The following SCFD2 variants were observed in gnomAD, a reference collection of about 807,000 sequenced individuals.
The protein encoded by SCFD2 is sec1 family domain-containing protein 2.
A neutral mutation model predicts 58.9 loss-of-function variants in SCFD2; 54 were observed. The ratio of observed to expected loss-of-function variants is 0.92; its 90% CI spans 0.74 to 1.15. The LOEUF (loss-of-function observed/expected upper bound fraction) is 1.15. Ranked by LOEUF, SCFD2 falls within the 50% of genes most tolerant of loss-of-function variation. The probability of loss-of-function intolerance (pLI) is 0.00; values close to 1 mark genes in which losing one functional copy is unlikely to be tolerated. For missense variants in SCFD2, 805 were observed against 836.6 expected, an observed-to-expected ratio of 0.96 and a Z score of 0.47; for synonymous variants, 321 against 335.9, an observed-to-expected ratio of 0.96 and a Z score of 0.49.
chr4:53,297,144 T>C (rs1039119956), intron 3 of SCFD2, among the ~76,000 whole-genome samples: 2 of 152,226 alleles, frequency 1.3e-5, no homozygotes, highest in African/African-American at 4.8e-5. Context: ...TCTGCAGATG[T>C]CTATTAGGTC....
At chr4:52,980,537 A>G (rs1393545742) in intron 5 of SCFD2, among the ~76,000 whole-genome samples, 4 of 152,164 alleles carry the variant, frequency 2.6e-5, no homozygotes, top group Non-Finnish European at 4.4e-5. Flanking sequence ...TATTATTAGT[A>G]TTTCAGGATA....
intron 3 of SCFD2, among the ~76,000 whole-genome samples, chr4:53,293,677 G>C (rs28874576): frequency 0.099 from 15,007 of 152,070 alleles, 1,119 homozygotes; most frequent in South Asian, 0.21. Flanking sequence ...CATAATCAAT[G>C]GCGAACAACT....
intron 4 of SCFD2, among the ~76,000 whole-genome samples, chr4:53,256,528 C>A (rs964982014): frequency 6.6e-6 from 1 of 152,106 alleles, no homozygotes; most frequent in Non-Finnish European, 1.5e-5. Context: ...CCAAGGCAGG[C>A]GGCTGGGAGG....
At chr4:53,201,877 A>T (rs376499711) in intron 4 of SCFD2, among the ~76,000 whole-genome samples, 3 of 151,516 alleles carry the variant, frequency 2.0e-5, no homozygotes, top group African/African-American at 7.3e-5. Flanking sequence ...GGGTTGTTTG[A>T]TTTTTTCTTG....
chr4:53,188,302 G>A (rs150543537), intron 4 of SCFD2, among the ~76,000 whole-genome samples: 378 of 152,230 alleles, frequency 2.5e-3, no homozygotes, highest in African/African-American at 8.8e-3. Flanking sequence ...ATTGCTTTCT[G>A]CAAATTTAAA....
intron 5 of SCFD2, among the ~76,000 whole-genome samples, chr4:53,048,813 C>T (rs1378449360): frequency 6.6e-6 from 1 of 152,168 alleles, no homozygotes; most frequent in Non-Finnish European, 1.5e-5. Flanking sequence ...CCCCTTCTTG[C>T]TTCCTCTAAA....
rs564808075 is a variant in SCFD2, at chr4:53,298,656, G to T, written c.1135+14980C>A. On this transcript the variant is annotated intron_variant, in intron 3 of 8. Coordinates refer to ENST00000401642, the MANE Select transcript of SCFD2 (RefSeq NM_152540.4). ...AAGGGCAGACTGCCTCCTCAAGTGG[G>T]TCCTTGACCCCCGAGTAGCCTAACT... 2.0e-5 allele frequency among the ~76,000 whole-genome samples: 3 copies of T among 152,294 alleles called. No individual in the cohort carries two copies. The South Asian group carries it at 6.2e-4, about 32-fold the overall frequency.
chr4:53,176,386 C>T (rs1215146064), intron 4 of SCFD2, among the ~76,000 whole-genome samples: 1 of 152,126 alleles, frequency 6.6e-6, no homozygotes, highest in East Asian at 1.9e-4. Context: ...CCTTAAGCCT[C>T]TTAGAGCTCT....
At chr4:53,329,963 G>C in intron 2 of SCFD2, among the ~76,000 whole-genome samples, 1 of 151,832 alleles carries the variant, frequency 6.6e-6, no homozygotes, top group Non-Finnish European at 1.5e-5. Flanking sequence ...AGCCTCAGGA[G>C]CTGATGCGAT....
At chr4:53,139,356 C>T (rs1355779951) in intron 5 of SCFD2, among the ~76,000 whole-genome samples, 1 of 151,318 alleles carries the variant, frequency 6.6e-6, no homozygotes, top group African/African-American at 2.4e-5. Context: ...TGAGGAGCCC[C>T]TCTGCCCAGC....
chr4:52,936,162 A>C (rs935393143), intron 5 of SCFD2, among the ~76,000 whole-genome samples: 6 of 152,180 alleles, frequency 3.9e-5, no homozygotes, highest in African/African-American at 1.4e-4. Flanking sequence ...ATGGCTGTCT[A>C]AATGACTGCT....
chr4:53,092,921 T>A (rs1724515393), intron 5 of SCFD2, among the ~76,000 whole-genome samples: 1 of 152,064 alleles, frequency 6.6e-6, no homozygotes, highest in Non-Finnish European at 1.5e-5. Context: ...TTATTGCTAC[T>A]GTACATAGGT....
At chr4:53,166,834 A>G (rs1490702547) in intron 4 of SCFD2, among the ~76,000 whole-genome samples, 2 of 104,648 alleles carry the variant, frequency 1.9e-5, no homozygotes, top group South Asian at 2.8e-4. Context: ...ATGCCCACCA[A>G]AAAAAAAAAA....
At chr4:53,099,942 T>A (rs528587764) in intron 5 of SCFD2, among the ~76,000 whole-genome samples, 1 of 152,274 alleles carries the variant, frequency 6.6e-6, no homozygotes, top group Admixed American at 6.5e-5. Flanking sequence ...GAAAAGACAC[T>A]GAATTGAACC....
At chr4:53,286,807 A>C (rs1455615122) in intron 3 of SCFD2, among the ~76,000 whole-genome samples, 1 of 152,072 alleles carries the variant, frequency 6.6e-6, no homozygotes, top group Non-Finnish European at 1.5e-5. Flanking sequence ...CTGCACCCTG[A>C]AACAAAGCTA....
At chr4:53,328,671 G>A (rs1047856998) in intron 2 of SCFD2, among the ~76,000 whole-genome samples, 3 of 152,172 alleles carry the variant, frequency 2.0e-5, no homozygotes, top group African/African-American at 7.2e-5. Context: ...TAAAGAAAAT[G>A]ATAGAATTGG....
At chr4:53,127,614 T>A (rs1725665095) in intron 5 of SCFD2, among the ~76,000 whole-genome samples, 1 of 151,998 alleles carries the variant, frequency 6.6e-6, no homozygotes, top group Non-Finnish European at 1.5e-5. Flanking sequence ...ATCTCAGGAG[T>A]TGTCTGAGCT....
intron 5 of SCFD2, among the ~76,000 whole-genome samples, chr4:53,125,255 C>T (rs1414944418): frequency 1.3e-5 from 2 of 152,128 alleles, no homozygotes; most frequent in African/African-American, 2.4e-5. Flanking sequence ...AAATATAGTA[C>T]AGTTGGGGAA....
chr4:52,990,968 C>T (rs1302198150), intron 5 of SCFD2, among the ~76,000 whole-genome samples: 1 of 152,136 alleles, frequency 6.6e-6, no homozygotes, highest in African/African-American at 2.4e-5. Flanking sequence ...ACACACCTGG[C>T]TGTAGGTGGA....
Sources: gnomAD v4.1 joint callset for allele counts (sites outside exome capture counted in the v4.1 genomes callset) on GRCh38, gnomAD v4.1.1 for gene constraint, MANE v1.5 for transcripts, NCBI Gene and HGNC (gene_info 2026-07-23, HGNC 2026-07-21) for gene names.